Variants in ZNF365 observed in about 807,000 individuals in gnomAD.
ZNF365 encodes the protein zinc finger protein 365.
Under a neutral mutation model 35.0 loss-of-function variants are expected in ZNF365, and 22 were observed. The ratio of observed to expected loss-of-function variants is 0.63; its 90% CI spans 0.45 to 0.90. The LOEUF is 0.90. Ranked by LOEUF, ZNF365 falls within the 40% of genes least tolerant of loss-of-function variation. ZNF365 has a pLI of 0.00. For missense variants in ZNF365, 448 were observed against 500.3 expected (o/e 0.90, Z 1.00); for synonymous variants, 188 against 196.2 (o/e 0.96, Z 0.35).
chr10:62,461,201 T>C (rs1840841452), intron 4 of ZNF365, among the ~76,000 whole-genome samples: 1 of 152,134 alleles, frequency 6.6e-6, no homozygotes, highest in Non-Finnish European at 1.5e-5. Context: ...ACATCTCCAC[T>C]GTGGGAGATG....
intron 4 of ZNF365, among the ~76,000 whole-genome samples, chr10:62,469,544 A>G (rs748337513): frequency 1.3e-5 from 2 of 152,220 alleles, no homozygotes; most frequent in Non-Finnish European, 2.9e-5. Context: ...GTATTGAGAA[A>G]TAAAGTTTAT....
intron 3 of ZNF365, among the ~76,000 whole-genome samples, chr10:62,437,722 C>A (rs942408479): frequency 1.3e-5 from 2 of 152,146 alleles, no homozygotes; most frequent in African/African-American, 4.8e-5. Context: ...GTAGCAAATG[C>A]ACTTTTCTGT....
At chr10:62,426,977 A>C (rs1447598774) in intron 3 of ZNF365, among the ~76,000 whole-genome samples, 1 of 152,212 alleles carries the variant, frequency 6.6e-6, no homozygotes, top group African/African-American at 2.4e-5. Flanking sequence ...TCGTAATAAC[A>C]GTCATGACCT....
At chr10:62,439,066 G>A (rs774072079) in intron 3 of ZNF365, among the ~76,000 whole-genome samples, 3 of 152,012 alleles carry the variant, frequency 2.0e-5, no homozygotes, top group Non-Finnish European at 2.9e-5. Flanking sequence ...TATGAATATC[G>A]GTAAGACTAT....
At chr10:62,451,959 G>A (rs905382327) in intron 3 of ZNF365, among the ~76,000 whole-genome samples, 16 of 152,168 alleles carry the variant, frequency 1.1e-4, no homozygotes, top group African/African-American at 3.6e-4. Context: ...AAGCCCCCAA[G>A]GTTTGTTTGT....
At chr10:62,465,389 A>T (rs1388730166) in intron 4 of ZNF365, among the ~76,000 whole-genome samples, 1 of 152,018 alleles carries the variant, frequency 6.6e-6, no homozygotes, top group Non-Finnish European at 1.5e-5. Context: ...TGGCACGTTG[A>T]TGGTGGTGGG....
At chr10:62,408,471 T>G (rs1303247974) in intron 3 of ZNF365, among the ~76,000 whole-genome samples, 1 of 152,188 alleles carries the variant, frequency 6.6e-6, no homozygotes, top group African/African-American at 2.4e-5. Context: ...TTTTATTATC[T>G]TGAGCAACTT....
At chr10:62,435,337 C>T (rs1156405780) in intron 3 of ZNF365, among the ~76,000 whole-genome samples, 1 of 152,136 alleles carries the variant, frequency 6.6e-6, no homozygotes, top group Non-Finnish European at 1.5e-5. Flanking sequence ...TTCTGATAAA[C>T]TTAACCTTCT....
Position 62,401,263 on chromosome 10 carries a change from CTG to C in ZNF365, c.*1475_*1476del, listed in dbSNP as rs1181636238. Reference sequence around the variant, plus strand: ...AACTATATATGTTTGTTCATGTAAACTGAATTCTCTTATTTAAAAAATCAAAA... The same window carrying C: ...AACTATATATGTTTGTTCATGTAAACAATTCTCTTATTTAAAAAATCAAAA... On this transcript the variant is annotated 3_prime_UTR_variant, in exon 5 of 5. Transcript: ENST00000395254. The C allele has an allele frequency of 8.1e-6, 8 of 985,218 alleles. No individual in the cohort carries two copies. The East Asian group carries it at 6.7e-4, about 83-fold the overall frequency. The allele number at this position is 985,218 out of a possible 1,614,324, so 61.0% of individuals were successfully genotyped here.
intron 3 of ZNF365, among the ~76,000 whole-genome samples, chr10:62,437,627 C>G (rs1840428046): frequency 6.6e-6 from 1 of 152,188 alleles, no homozygotes; most frequent in Non-Finnish European, 1.5e-5. Flanking sequence ...TAAGGTGTAA[C>G]TCATAAAGCT....
intron 3 of ZNF365, among the ~76,000 whole-genome samples, chr10:62,447,493 T>A (rs1840609917): frequency 6.6e-6 from 1 of 152,110 alleles, no homozygotes; most frequent in African/African-American, 2.4e-5. Context: ...TTTCCTCCAA[T>A]CCCTTGTGGC....
intron 3 of ZNF365, among the ~76,000 whole-genome samples, chr10:62,396,916 T>G (rs992855809): frequency 6.6e-6 from 1 of 152,188 alleles, no homozygotes; most frequent in African/African-American, 2.4e-5. Flanking sequence ...GGAGAAAAGA[T>G]TTAAAGGAAG....
chr10:62,416,946 GC>G (rs1448657945), intron 3 of ZNF365, among the ~76,000 whole-genome samples: 1 of 151,962 alleles, frequency 6.6e-6, no homozygotes, highest in African/African-American at 2.4e-5. Context: ...TAATTAAAGG[GC>G]CCTTGAAGGC....
chr10:62,430,174 A>G (rs1385076536), intron 3 of ZNF365, among the ~76,000 whole-genome samples: 2 of 151,994 alleles, frequency 1.3e-5, no homozygotes, highest in African/African-American at 4.8e-5. Context: ...GTAATTACAG[A>G]TACAAAGTTG....
At chr10:62,465,169 G>A (rs1840918466) in intron 4 of ZNF365, among the ~76,000 whole-genome samples, 1 of 152,252 alleles carries the variant, frequency 6.6e-6, no homozygotes, top group Non-Finnish European at 1.5e-5. Context: ...TCAGTGCAGA[G>A]CAAAGTTGTA....
chr10:62,379,657 C>T (rs1459879449), intron 2 of ZNF365, among the ~76,000 whole-genome samples: 3 of 152,122 alleles, frequency 2.0e-5, no homozygotes, highest in African/African-American at 7.2e-5. Context: ...CACCCCTGCC[C>T]TCTGAATGGG....
At chr10:62,424,693 C>T (rs752634701) in intron 3 of ZNF365, among the ~76,000 whole-genome samples, 52 of 152,130 alleles carry the variant, frequency 3.4e-4, no homozygotes, top group East Asian at 1.9e-4. Context: ...AGTCTGGGAA[C>T]GACCGCTCCA....
At chr10:62,461,788 GA>G (rs530697284) in intron 4 of ZNF365, among the ~76,000 whole-genome samples, 2 of 151,908 alleles carry the variant, frequency 1.3e-5, no homozygotes, top group Non-Finnish European at 1.5e-5. Flanking sequence ...ACACAAAAGG[GA>G]AAAAAATCTT....
intron 4 of ZNF365, among the ~76,000 whole-genome samples, chr10:62,475,921 T>C (rs1344704030): frequency 6.6e-6 from 1 of 152,168 alleles, no homozygotes; most frequent in African/African-American, 2.4e-5. Context: ...AAACTTCAAT[T>C]TGATTTGTAT....
Sources: gnomAD v4.1 joint callset for allele counts (sites outside exome capture counted in the v4.1 genomes callset) on GRCh38, gnomAD v4.1.1 for gene constraint, MANE v1.5 for transcripts, NCBI Gene and HGNC (gene_info 2026-07-23, HGNC 2026-07-21) for gene names.